Variants in SLCO1C1 observed in about 807,000 individuals in gnomAD.
SLCO1C1 encodes the protein solute carrier organic anion transporter family member 1C1, also known as OAT-RP-5.
Under a neutral mutation model 76.4 loss-of-function variants are expected in SLCO1C1, and 70 were observed. That is an observed-to-expected ratio of 0.92 (90% CI 0.76 to 1.12). The LOEUF (loss-of-function observed/expected upper bound fraction) is 1.12. SLCO1C1 is among the 50% of genes most tolerant of loss of function. The pLI is 0.00. For synonymous variants in SLCO1C1, 306 were observed against 286.1 expected (o/e 1.07, Z -0.70); for missense variants, 912 against 823.8 (o/e 1.11, Z -1.31).
chr12:20,749,507 GCTA>G (rs975477649), intron 13 of SLCO1C1, among the ~76,000 whole-genome samples: 18 of 152,234 alleles, frequency 1.2e-4, no homozygotes, highest in African/African-American at 4.1e-4. Flanking sequence ...TCAGCTATTG[GCTA>G]CTAACTAAAA....
chr12:20,744,516 A>G (rs1948954338), intron 13 of SLCO1C1, among the ~76,000 whole-genome samples: 1 of 152,072 alleles, frequency 6.6e-6, no homozygotes, highest in Admixed American at 6.5e-5. Flanking sequence ...TGAGCAAAAG[A>G]TGTGAATTTT....
chr12:20,737,057 G>T, intron 10 of SLCO1C1, 50 bp from the exon 11 acceptor site: 1 of 1,378,506 alleles, frequency 7.3e-7, no homozygotes, highest in Non-Finnish European at 9.5e-7. Context: ...AAAATATTCG[G>T]GTGCTACCTG....
chr12:20,716,897 G>A (rs768086410), intron 6 of SLCO1C1, among the ~76,000 whole-genome samples: 3 of 152,070 alleles, frequency 2.0e-5, no homozygotes, highest in Non-Finnish European at 4.4e-5. Context: ...GAGTATTAAT[G>A]TTATTTTCTT....
chr12:20,723,060 T>C, intron 8 of SLCO1C1, 30 bp from the exon 9 acceptor site: 2 of 1,587,050 alleles, frequency 1.3e-6, no homozygotes, highest in Non-Finnish European at 8.6e-7. Context: ...ACACCAACTT[T>C]AATTAGTCTA....
At chr12:20,736,392 G>A (rs528901413) in intron 10 of SLCO1C1, among the ~76,000 whole-genome samples, 3 of 151,866 alleles carry the variant, frequency 2.0e-5, no homozygotes, top group Admixed American at 1.3e-4. Flanking sequence ...CTATTCTCCC[G>A]GAGCTAGCAC....
intron 3 of SLCO1C1, among the ~76,000 whole-genome samples, chr12:20,702,746 A>AG (rs1217457042): frequency 1.3e-5 from 2 of 151,876 alleles, no homozygotes; most frequent in African/African-American, 4.8e-5. Flanking sequence ...ATATCATGAG[A>AG]GAAAAACAAG....
Position 20,752,446 on chromosome 12 carries a change from C to T in SLCO1C1, c.2057C>T (p.Thr686Ile), listed in dbSNP as rs778514653. 6.2e-7 allele frequency: 1 copy of T among 1,613,372 alleles called. No homozygotes were observed. The highest frequency in any genetic ancestry group is 1.1e-5 in the South Asian group (1 of 91,016). ...ITKRERTMVS[T>I]RFQKENYTTS... ...AAGAGAGAAAGAACAATGGTGTCTA[C>T]AAGATTCCAAAAGGAAAATTACACT... Residue 686 changes from threonine to isoleucine, a missense_variant, in exon 15 of 15, where the codon ACA becomes ATA. By Grantham distance (89) the Thr-to-Ile change is moderately conservative. Coordinates refer to ENST00000266509, the MANE Select transcript of SLCO1C1 (RefSeq NM_017435.5).
chr12:20,743,651 G>C (rs1039486817), intron 13 of SLCO1C1, among the ~76,000 whole-genome samples: 1 of 151,928 alleles, frequency 6.6e-6, no homozygotes, highest in African/African-American at 2.4e-5. Flanking sequence ...TCTAGTACTT[G>C]TGTGTTCTTA....
At chr12:20,744,008 T>G (rs1948933322) in intron 13 of SLCO1C1, among the ~76,000 whole-genome samples, 1 of 151,966 alleles carries the variant, frequency 6.6e-6, no homozygotes, top group Non-Finnish European at 1.5e-5. Flanking sequence ...TCACTGCCAT[T>G]TGTCAGAAAG....
Position 20,737,169 on chromosome 12 carries a change from G to A in SLCO1C1, c.1445G>A (p.Cys482Tyr). 2 of 1,565,510 alleles carry A rather than the reference G, an allele frequency of 1.3e-6. No homozygotes were observed. The highest frequency in any genetic ancestry group is 1.7e-6 in the Non-Finnish European group (2 of 1,162,160). ...TCAGATTGCAACTCAAGATGCAAAT[G>A]TTCAGAGACAAAATGGGAACCCATG... Reference protein sequence around the residue: ...LFSDCNSRCKCSETKWEPMCG... With the variant: ...LFSDCNSRCKYSETKWEPMCG... The change falls in exon 11 of 15, where the codon TGT becomes TAT. Residue 482 changes from cysteine to tyrosine, a missense_variant. Coordinates refer to ENST00000266509, the MANE Select transcript of SLCO1C1 (RefSeq NM_017435.5).
intron 3 of SLCO1C1, among the ~76,000 whole-genome samples, chr12:20,702,281 C>G: frequency 6.6e-6 from 1 of 152,000 alleles, no homozygotes; most frequent in South Asian, 2.1e-4. Context: ...TTTTTCAACT[C>G]TTTAACAATT....
intron 10 of SLCO1C1, among the ~76,000 whole-genome samples, chr12:20,733,761 T>C (rs1424329878): frequency 6.6e-6 from 1 of 152,148 alleles, no homozygotes; most frequent in Non-Finnish European, 1.5e-5. Context: ...GGAGAATATT[T>C]AGTGATGCCT....
At chr12:20,725,187 ATAAT>A (rs1449736345) in intron 9 of SLCO1C1, among the ~76,000 whole-genome samples, 15 of 137,036 alleles carry the variant, frequency 1.1e-4, no homozygotes, top group South Asian at 6.6e-4. Flanking sequence ...TATAAATCAT[ATAAT>A]TATTTATAAT....
At chr12:20,699,086 AG>A in intron 1 of SLCO1C1, among the ~76,000 whole-genome samples, 1 of 152,226 alleles carries the variant, frequency 6.6e-6, no homozygotes, top group South Asian at 2.1e-4. Flanking sequence ...AGGAATCATA[AG>A]GTGGTACAGG....
intron 9 of SLCO1C1, among the ~76,000 whole-genome samples, chr12:20,732,223 ATTGAAAGCATAGGAC>A: frequency 6.6e-6 from 1 of 152,364 alleles, no homozygotes; most frequent in East Asian, 1.9e-4. Flanking sequence ...CATAGCAGTG[ATTGAAAGCATAGGAC>A]TTGACATCAG....
intron 10 of SLCO1C1, among the ~76,000 whole-genome samples, chr12:20,736,303 C>A: frequency 7.0e-6 from 1 of 143,696 alleles, no homozygotes; most frequent in African/African-American, 2.5e-5. Context: ...AATGCAATCA[C>A]AATTTTGTGA....
At position 20,734,293 on chromosome 12, in the gene SLCO1C1, G is replaced by A. The variant is rs138079907; in HGVS notation, c.1382+1189G>A. ...GGTGAATGCAAAGTTCATAAATTAC[G>A]GCTTCTGGGAGTTATCACAGCCACA... On this transcript the variant is annotated intron_variant, in intron 10 of 14. Coordinates refer to ENST00000266509, the MANE Select transcript of SLCO1C1 (RefSeq NM_017435.5). 5.9e-5 allele frequency among the ~76,000 whole-genome samples: 9 copies of A among 152,192 alleles called. No individual in the cohort carries two copies. The East Asian group carries it at 7.7e-4, about 13-fold the overall frequency.
At chr12:20,711,723 A>T (rs941828283) in intron 5 of SLCO1C1, among the ~76,000 whole-genome samples, 32 of 152,226 alleles carry the variant, frequency 2.1e-4, no homozygotes, top group African/African-American at 7.7e-4. Context: ...TATGGAAAAA[A>T]AGCATTAATT....
chr12:20,740,783 T>TATATATA (rs1406774430), intron 12 of SLCO1C1, among the ~76,000 whole-genome samples: 6,141 of 52,870 alleles, frequency 0.12, 1,217 homozygotes, highest in South Asian at 0.17. Context: ...AGAATTTATT[T>TATATATA]TATTTATATA....
Sources: gnomAD v4.1 joint callset for allele counts (sites outside exome capture counted in the v4.1 genomes callset) on GRCh38, gnomAD v4.1.1 for gene constraint, MANE v1.5 for transcripts, NCBI Gene and HGNC (gene_info 2026-07-23, HGNC 2026-07-21) for gene names.